Variants in LINGO4 observed in about 807,000 individuals in gnomAD.
LINGO4 encodes the protein leucine-rich repeat and immunoglobulin-like domain-containing nogo receptor-interacting protein 4.
Under a neutral mutation model 27.9 loss-of-function variants are expected in LINGO4, and 22 were observed. The observed-to-expected ratio is 0.79, with a 90% CI of 0.56 to 1.13. LINGO4 has a LOEUF of 1.13. Ranked by LOEUF, LINGO4 falls within the 50% of genes most tolerant of loss-of-function variation. The pLI, the probability that LINGO4 is intolerant of heterozygous loss-of-function variation, is 0.00. For missense variants in LINGO4, 706 were observed against 739.4 expected, an observed-to-expected ratio of 0.95 and a Z score of 0.52; for synonymous variants, 306 against 325.8, an observed-to-expected ratio of 0.94 and a Z score of 0.65.
chr1:151,804,598 T>C (rs1319893458), intron 1 of LINGO4, among the ~76,000 whole-genome samples: 3 of 152,234 alleles, frequency 2.0e-5, no homozygotes, highest in Non-Finnish European at 4.4e-5. Context: ...GAGTTTCCCC[T>C]GAGTCCGCTG....
At chr1:151,802,773 C>T in intron 1 of LINGO4, 56 bp from the exon 2 acceptor site, 4 of 1,232,162 alleles carry the variant, frequency 3.2e-6, no homozygotes, top group Non-Finnish European at 4.4e-6. Context: ...TGACGGTGAC[C>T]CTGGACTTCC....
At position 151,802,114 on chromosome 1, in the gene LINGO4, G is replaced by A. The variant is rs1272097369; in HGVS notation, c.591C>T (p.Gly197=). The change falls in exon 2 of 2, where the codon GGC becomes GGT. Residue 197 remains glycine, a synonymous_variant. Transcript: ENST00000368820. ...GTGCCGGGAGACGGGCAAGGGCTAG[G>A]CCAGGCACTGTGCTGAGGTTGCAGC... ...LERCNLSTVP[G]LALARLPALV... is the part of the protein sequence containing the mutation. 3 of 1,613,798 alleles carry A rather than the reference G, an allele frequency of 1.9e-6. No individual in the cohort carries two copies. The highest frequency in any genetic ancestry group is 2.5e-6 in the Non-Finnish European group (3 of 1,180,028).
At chr1:151,803,992 T>G (rs1411806105) in intron 1 of LINGO4, among the ~76,000 whole-genome samples, 2 of 152,086 alleles carry the variant, frequency 1.3e-5, no homozygotes, top group Admixed American at 6.5e-5. Context: ...GCTACAGAGA[T>G]AGGAGCAAAA....
chr1:151,801,949 G>A lies in LINGO4; in HGVS notation c.756C>T (p.Leu252=). 2 of 1,614,180 alleles carry A rather than the reference G, an allele frequency of 1.2e-6. No individual in the cohort carries two copies. The highest frequency in any genetic ancestry group is 1.6e-4 in the Middle Eastern group (1 of 6,062). The part of the protein sequence containing the change: ...EALDPGSLVG[L]NLSSLAITRC... ...GAGTGATGGCCAGGCTGCTGAGATT[G>A]AGCCCAACCAGGCTCCCAGGGTCCA... is the stretch of plus-strand genomic sequence containing the variant. Residue 252 remains leucine, a synonymous_variant, in exon 2 of 2, where the codon CTC becomes CTT. Coordinates refer to ENST00000368820, the MANE Select transcript of LINGO4 (RefSeq NM_001004432.4). This position sits in a 1 kb window ranked among gnomAD's most constrained non-coding sequence, Gnocchi z 5.7.
chr1:151,801,823 T>G lies in LINGO4; in HGVS notation c.882A>C (p.Arg294=). 6.2e-7 allele frequency: 1 copy of G among 1,614,156 alleles called. No homozygotes were observed. The highest frequency in any genetic ancestry group is 1.1e-5 in the South Asian group (1 of 91,086). ...GGAGCCGCACCAGGGGGCTGAGCCTTCGGGCTGGGATGGCTGAGATGGGAT... is the reference window on the plus strand; with the variant it reads ...GGAGCCGCACCAGGGGGCTGAGCCTGCGGGCTGGGATGGCTGAGATGGGAT... ...SQNPISAIPA[R]RLSPLVRLQE... The change falls in exon 2 of 2, where the codon CGA becomes CGC. Residue 294 remains arginine (R), a synonymous_variant. Transcript: ENST00000368820. The surrounding 1 kb of genome is among the most constrained non-coding windows in gnomAD (Gnocchi z 5.7).
rs1558159094 is a variant in LINGO4, at chr1:151,801,472, T to G, written c.1233A>C (p.Lys411Asn). 2 of 1,614,110 alleles carry G rather than the reference T, an allele frequency of 1.2e-6. No homozygotes were observed. The highest frequency in any genetic ancestry group is 2.2e-5 in the East Asian group (1 of 44,872). Residue 411 changes from lysine (K) to asparagine (N), a missense_variant, in exon 2 of 2, where the codon AAA becomes AAC. By Grantham distance (94) the Lys-to-Asn change is moderately conservative. Transcript: ENST00000368820. This position sits in a 1 kb window ranked among gnomAD's most constrained non-coding sequence, Gnocchi z 5.7. The stretch of plus-strand genomic sequence containing the variant: ...GCCCCGACTTTCGGATCAGGGCTGG[T>G]TTGCAGGTGAAGTGCCCTGGAGGCA... ...DILPPGHFTC[K>N]PALIRKSGPR...
At position 151,801,346 on chromosome 1, in the gene LINGO4, A is replaced by G. The variant is rs1651137579; in HGVS notation, c.1359T>C (p.Ala453=). The G allele has an allele frequency of 6.2e-7, 1 of 1,613,332 alleles. No homozygotes were observed. The highest frequency in any genetic ancestry group is 8.5e-7 in the Non-Finnish European group (1 of 1,179,324). ...PTVSWMRPHG[A]WLGRAGRVRV... ...TTACTCTCCCAGCCCTGCCCAGCCA[A>G]GCCCCATGAGGCCTCATCCAGGAGA... The change falls in exon 2 of 2, where the codon GCT becomes GCC. Residue 453 remains alanine (A), a synonymous_variant. Coordinates refer to ENST00000368820, the MANE Select transcript of LINGO4 (RefSeq NM_001004432.4). The surrounding 1 kb of genome is among the most constrained non-coding windows in gnomAD (Gnocchi z 5.7).
Position 151,801,604 on chromosome 1 carries a change from G to T in LINGO4, c.1101C>A (p.Leu367=). ...GNPLTCDCRL[L]WLLRLRRHLD... is the part of the protein sequence containing the mutation. Reference sequence around the variant, plus strand: ...GGTGGCGGCGGAGCCGGAGCAGCCAGAGGAGGCGGCAGTCACAGGTTAGGG... The same window carrying T: ...GGTGGCGGCGGAGCCGGAGCAGCCATAGGAGGCGGCAGTCACAGGTTAGGG... The change falls in exon 2 of 2, where the codon CTC becomes CTA. Residue 367 remains leucine (L), a synonymous_variant. Coordinates refer to ENST00000368820, the MANE Select transcript of LINGO4 (RefSeq NM_001004432.4). This position sits in a 1 kb window ranked among gnomAD's most constrained non-coding sequence, Gnocchi z 5.7. 1 of 1,613,846 alleles carries T rather than the reference G, an allele frequency of 6.2e-7. No homozygotes were observed.
In LINGO4 at chr1:151,801,918, T is replaced by G. The variant is rs747303515; in HGVS notation, c.787A>C (p.Asn263His). Reference sequence around the variant, plus strand: ...GCTTGGAAGGGCACCGAGCTCAGATTGCAGCGAGTGATGGCCAGGCTGCTG... The same window carrying G: ...GCTTGGAAGGGCACCGAGCTCAGATGGCAGCGAGTGATGGCCAGGCTGCTG... ...NLSSLAITRC[N>H]LSSVPFQALY... is the part of the protein sequence containing the mutation. Residue 263 changes from asparagine (N) to histidine (H), a missense_variant, in exon 2 of 2, where the codon AAT becomes CAT. Coordinates refer to ENST00000368820, the MANE Select transcript of LINGO4 (RefSeq NM_001004432.4). This position sits in a 1 kb window ranked among gnomAD's most constrained non-coding sequence, Gnocchi z 5.7. 35 of 1,614,156 alleles carry G rather than the reference T, an allele frequency of 2.2e-5. No homozygotes were observed. The East Asian group carries it at 6.0e-4, about 28-fold the overall frequency.
Position 151,801,549 on chromosome 1 carries a change from C to T in LINGO4, c.1156G>A (p.Ala386Thr). 1.2e-6 allele frequency: 2 copies of T among 1,613,850 alleles called. No individual in the cohort carries two copies. The highest frequency in any genetic ancestry group is 1.7e-6 in the Non-Finnish European group (2 of 1,179,986). ...LDFGMSPPAC[A>T]GPHHVQGKSL... is the part of the protein sequence containing the mutation. ...TTCCCCTGGACATGATGGGGGCCAG[C>T]ACAGGCAGGGGGGGACATGCCAAAG... The change falls in exon 2 of 2, where the codon GCT (alanine) becomes ACT (threonine). Residue 386 changes from alanine to threonine, a missense_variant. Transcript: ENST00000368820. The surrounding 1 kb of genome is among the most constrained non-coding windows in gnomAD (Gnocchi z 5.7).
Position 151,802,660 on chromosome 1 carries a change from G to C in LINGO4, c.45C>G (p.Pro15=), listed in dbSNP as rs766679563. Reference sequence around the variant, plus strand: ...GTAGGAGGAGGAGGAAAAGGAGCGGGGGCCATGGGGGCCAGGCTTGCTTTG... The same window carrying C: ...GTAGGAGGAGGAGGAAAAGGAGCGGCGGCCATGGGGGCCAGGCTTGCTTTG... ...TAPKQAWPPW[P]PLLFLLLLPG... The change falls in exon 2 of 2, where the codon CCC becomes CCG. Residue 15 remains proline (P), a synonymous_variant. Transcript: ENST00000368820. The C allele has an allele frequency of 7.1e-6, 11 of 1,545,372 alleles. 1 individual carries two copies. The highest frequency in any genetic ancestry group is 1.7e-4 in the Middle Eastern group (1 of 5,748).
chr1:151,800,586 T>G lies in LINGO4; in HGVS notation c.*337A>C. The G allele has an allele frequency of 3.8e-6, 1 of 263,318 alleles. No homozygotes were observed. Among genetic ancestry groups the G allele is most frequent in the African/African-American group, 2.2e-5 (1 of 45,606 alleles). The allele number at this position is 263,318 out of a possible 1,614,324, so 16.3% of individuals were successfully genotyped here. A position where few individuals can be genotyped will look rare whatever the true frequency, so the allele number is the denominator to read the frequency against. ...TGGTTGGCAATTGGTTATTAAAGGA[T>G]ATAAGCATGTGTGAAGAAAGCCTAG... On this transcript the variant is annotated 3_prime_UTR_variant, in exon 2 of 2. Coordinates refer to ENST00000368820, the MANE Select transcript of LINGO4 (RefSeq NM_001004432.4).
Position 151,800,642 on chromosome 1 carries a change from A to G in LINGO4, c.*281T>C, listed in dbSNP as rs144568764. The G allele has an allele frequency of 3.8e-4, 160 of 420,494 alleles. 3 individuals carry two copies. The East Asian group carries it at 6.1e-3, about 16-fold the overall frequency. 26.0% of individuals were successfully genotyped at this position (420,494 alleles called of 1,614,324 possible). A position where few individuals can be genotyped will look rare whatever the true frequency, so the allele number is the denominator to read the frequency against. ...AGACTAGCTGACTAGCGCTTTGATT[A>G]TGTTTCCTGTTTTGTGTGTGGAGGG... is the stretch of plus-strand genomic sequence containing the variant. On this transcript the variant is annotated 3_prime_UTR_variant, in exon 2 of 2. Transcript: ENST00000368820.
Position 151,802,361 on chromosome 1 carries a change from A to C in LINGO4, c.344T>G (p.Leu115Arg). The C allele has an allele frequency of 6.2e-7, 1 of 1,614,240 alleles. No individual in the cohort carries two copies. The highest frequency in any genetic ancestry group is 8.5e-7 in the Non-Finnish European group (1 of 1,180,044). ...HGLQSLLTLR[L>R]QGNRLRIMGP... ...CATGATTCTGAGCCGATTGCCCTGC[A>C]GCCTCAGGGTGAGTAGGCTTTGTAG... Residue 115 changes from leucine (L) to arginine (R), a missense_variant, in exon 2 of 2, where the codon CTG becomes CGG. Transcript: ENST00000368820.
At chr1:151,804,122 A>G (rs1313372179) in intron 1 of LINGO4, among the ~76,000 whole-genome samples, 1 of 152,060 alleles carries the variant, frequency 6.6e-6, no homozygotes, top group Non-Finnish European at 1.5e-5. Flanking sequence ...TTTCTACTAC[A>G]TGCCCTGTTT....
At position 151,802,515 on chromosome 1, in the gene LINGO4, G is replaced by A; in HGVS notation, c.190C>T (p.Leu64Phe). Residue 64 changes from leucine to phenylalanine, a missense_variant, in exon 2 of 2, where the codon CTC becomes TTC. Leu to Phe is a conservative substitution (Grantham distance 22, BLOSUM62 0). Coordinates refer to ENST00000368820, the MANE Select transcript of LINGO4 (RefSeq NM_001004432.4). ...VPGGLPLDTELLDLSGNRLWG... is the reference protein window; with the variant it reads ...VPGGLPLDTEFLDLSGNRLWG... ...AGGCGGTTCCCACTCAGGTCCAGGA[G>A]CTCAGTGTCCAGTGGGAGTCCTCCA... 6 of 1,610,784 alleles carry A rather than the reference G, an allele frequency of 3.7e-6. No homozygotes were observed. Among genetic ancestry groups the A allele is most frequent in the Non-Finnish European group, 5.1e-6 (6 of 1,178,340 alleles).
At position 151,800,992 on chromosome 1, in the gene LINGO4, G is replaced by A. The variant is rs763021014; in HGVS notation, c.1713C>T (p.Asp571=). Residue 571 remains aspartate (D), a synonymous_variant, in exon 2 of 2, where the codon GAC becomes GAT. Transcript: ENST00000368820. ...CCCCAGAGGGCCGAGGTGCCACAAA[G>A]TCAAAGGTCATGTGATGTTTGACCC... ...KGRVKHHMTF[D]FVAPRPSGDK... is the part of the protein sequence containing the mutation. 1 of 1,614,144 alleles carries A rather than the reference G, an allele frequency of 6.2e-7. No homozygotes were observed. Among genetic ancestry groups the A allele is most frequent in the Non-Finnish European group, 8.5e-7 (1 of 1,180,000 alleles).
Position 151,801,797 on chromosome 1 carries a change from TG to T in LINGO4, c.907del (p.Gln303ArgfsTer21), listed in dbSNP as rs775764201. ...GCATGCCCCTGACAGGCGTAGCTCC[TG>T]GAGCCGCACCAGGGGGCTGAGCCTT... ...ARRLSPLVRL[Q>X]ELRLSGACLT... On this transcript the variant is annotated frameshift_variant, in exon 2 of 2. Transcript: ENST00000368820. LOFTEE classifies it high-confidence loss of function. This position sits in a 1 kb window ranked among gnomAD's most constrained non-coding sequence, Gnocchi z 5.7. 6.2e-7 allele frequency: 1 copy of T among 1,614,198 alleles called. No individual in the cohort carries two copies. Among genetic ancestry groups the T allele is most frequent in the Non-Finnish European group, 8.5e-7 (1 of 1,180,022 alleles).
rs1167231095 is a variant in LINGO4 at position 151,801,542 on chromosome 1, G to A, written c.1163C>T (p.Pro388Leu). 2 of 1,613,942 alleles carry A rather than the reference G, an allele frequency of 1.2e-6. No homozygotes were observed. The highest frequency in any genetic ancestry group is 1.7e-6 in the Non-Finnish European group (2 of 1,179,998). The change falls in exon 2 of 2, where the codon CCC (proline) becomes CTC (leucine). Residue 388 changes from proline (P) to leucine (L), a missense_variant. Pro to Leu is a moderately conservative substitution (Grantham distance 98, BLOSUM62 -3). Transcript: ENST00000368820. The surrounding 1 kb of genome is among the most constrained non-coding windows in gnomAD (Gnocchi z 5.7). ...CAGGCTCTTCCCCTGGACATGATGG[G>A]GGCCAGCACAGGCAGGGGGGGACAT... ...FGMSPPACAG[P>L]HHVQGKSLKE...
Sources: gnomAD v4.1 joint callset for allele counts (sites outside exome capture counted in the v4.1 genomes callset) on GRCh38, gnomAD v4.1.1 for gene constraint, Gnocchi (gnomAD v3.1) non-coding constraint, MANE v1.5 for transcripts, NCBI Gene and HGNC (gene_info 2026-07-23, HGNC 2026-07-21) for gene names.